MAP6: variants seen among roughly 807,000 people sequenced by gnomAD.
The protein encoded by MAP6 is microtubule associated protein 6.
Under a neutral mutation model 42.4 loss-of-function variants are expected in MAP6, and 26 were observed. The observed-to-expected ratio is 0.61, with a 90% CI of 0.45 to 0.85. The LOEUF (loss-of-function observed/expected upper bound fraction) is 0.85. Ranked by LOEUF, MAP6 falls within the 40% of genes least tolerant of loss-of-function variation. The probability of loss-of-function intolerance (pLI) is 0.00; values close to 1 mark genes in which losing one functional copy is unlikely to be tolerated. For synonymous variants in MAP6, 418 were observed against 443.8 expected (o/e 0.94, Z 0.73); for missense variants, 966 against 1,099.0 (o/e 0.88, Z 1.71).
intron 1 of MAP6, among the ~76,000 whole-genome samples, chr11:75,635,515 T>C (rs576188998): frequency 1.3e-5 from 2 of 152,352 alleles, no homozygotes; most frequent in South Asian, 4.1e-4. Flanking sequence ...TTTACTCAAG[T>C]TTACTTGAAA....
chr11:75,620,326 C>T (rs576804794), intron 1 of MAP6, among the ~76,000 whole-genome samples: 36 of 151,810 alleles, frequency 2.4e-4, no homozygotes, highest in African/African-American at 8.7e-4. Context: ...TATAAATTAG[C>T]TGGGTGTTGT....
At chr11:75,599,493 CAGA>C (rs1428524159) in intron 3 of MAP6, among the ~76,000 whole-genome samples, 2 of 152,154 alleles carry the variant, frequency 1.3e-5, no homozygotes, top group East Asian at 1.9e-4. Flanking sequence ...AAGCTAGTAC[CAGA>C]AGGAGAAAAA....
At chr11:75,629,857 A>C (rs1460110153) in intron 1 of MAP6, among the ~76,000 whole-genome samples, 2 of 152,160 alleles carry the variant, frequency 1.3e-5, no homozygotes, top group Non-Finnish European at 2.9e-5. Flanking sequence ...AAGAGAAAAT[A>C]AGAAGGCAGT....
intron 1 of MAP6, among the ~76,000 whole-genome samples, chr11:75,611,854 G>T (rs1942902528): frequency 6.6e-6 from 1 of 152,242 alleles, no homozygotes; most frequent in South Asian, 2.1e-4. Flanking sequence ...GGTAACCAAG[G>T]CTCAGAGAGG....
rs576033380 is a variant in MAP6, at chr11:75,591,896, G to A, written c.1317-3712C>T. 1.7e-3 allele frequency among the ~76,000 whole-genome samples: 257 copies of A among 152,340 alleles called. 1 individual carries two copies. Among genetic ancestry groups the A allele is most frequent in the Non-Finnish European group, 3.1e-3 (209 of 68,034 alleles). On this transcript the variant is annotated intron_variant, in intron 3 of 3. Transcript: ENST00000304771. ...CAACAGAAAATTTTGCTAGGTGGGCGTCTGGAATAACAATTCTTGATATTT... is the reference window on the plus strand; with the variant it reads ...CAACAGAAAATTTTGCTAGGTGGGCATCTGGAATAACAATTCTTGATATTT...
intron 1 of MAP6, among the ~76,000 whole-genome samples, chr11:75,655,411 T>A (rs1943729823): frequency 6.6e-6 from 1 of 152,206 alleles, no homozygotes; most frequent in Non-Finnish European, 1.5e-5. Context: ...AGGCTGTGAT[T>A]CGGTCAGAGC....
At chr11:75,652,288 C>A (rs890139752) in intron 1 of MAP6, among the ~76,000 whole-genome samples, 4 of 152,174 alleles carry the variant, frequency 2.6e-5, no homozygotes, top group Non-Finnish European at 5.9e-5. Flanking sequence ...TAAAGCTTGT[C>A]TCCCACCATG....
At chr11:75,653,045 AC>A (rs1230722440) in intron 1 of MAP6, among the ~76,000 whole-genome samples, 1 of 151,706 alleles carries the variant, frequency 6.6e-6, no homozygotes, top group Non-Finnish European at 1.5e-5. Context: ...CTCTCCCTGT[AC>A]CCTCTAAACA....
chr11:75,629,463 G>A (rs955780702), intron 1 of MAP6, among the ~76,000 whole-genome samples: 1 of 152,000 alleles, frequency 6.6e-6, no homozygotes, highest in Admixed American at 6.6e-5. Context: ...TGGTGCTCAG[G>A]GTGGGAGCTT....
rs563116618 is a variant in MAP6, at chr11:75,593,271, T to A, written c.1317-5087A>T. Reference sequence around the variant, plus strand: ...GGTTCTGACTTAATACTTGAGTGAATGAATAAACAACAGACTGTTCTGTGC... The same window carrying A: ...GGTTCTGACTTAATACTTGAGTGAAAGAATAAACAACAGACTGTTCTGTGC... On this transcript the variant is annotated intron_variant, in intron 3 of 3. Coordinates refer to ENST00000304771, the MANE Select transcript of MAP6 (RefSeq NM_033063.2). Among the ~76,000 whole-genome samples the A allele has an allele frequency of 1.6e-4, 24 of 152,380 alleles. No homozygotes were observed. The South Asian group carries it at 5.0e-3, about 32-fold the overall frequency.
chr11:75,622,845 G>A (rs942134023), intron 1 of MAP6, among the ~76,000 whole-genome samples: 1 of 152,186 alleles, frequency 6.6e-6, no homozygotes, highest in Non-Finnish European at 1.5e-5. Flanking sequence ...GTGTGCTAAA[G>A]CTGGCTCACA....
At chr11:75,638,089 A>G (rs993667742) in intron 1 of MAP6, among the ~76,000 whole-genome samples, 2 of 152,214 alleles carry the variant, frequency 1.3e-5, no homozygotes, top group Non-Finnish European at 2.9e-5. Flanking sequence ...ATGTAAATAA[A>G]GAGTTTCATT....
At chr11:75,615,951 G>A (rs1463484790) in intron 1 of MAP6, among the ~76,000 whole-genome samples, 2 of 138,468 alleles carry the variant, frequency 1.4e-5, no homozygotes, top group South Asian at 2.8e-4. Context: ...ACAGGAGTGC[G>A]CGGGGCGGCA....
Position 75,605,945 on chromosome 11 carries a change from G to A in MAP6, c.1179C>T (p.Pro393=). ...KPKKTSASHK[P]TRKAKDKQAV... Reference sequence around the variant, plus strand: ...CCTGCTTGTCTTTGGCCTTCCTCGTGGGCTTATGGCTCGCTGAGGTCTTTT... The same window carrying A: ...CCTGCTTGTCTTTGGCCTTCCTCGTAGGCTTATGGCTCGCTGAGGTCTTTT... Residue 393 remains proline, a synonymous_variant, in exon 3 of 4, where the codon CCC becomes CCT. Coordinates refer to ENST00000304771, the MANE Select transcript of MAP6 (RefSeq NM_033063.2). 6.2e-7 allele frequency: 1 copy of A among 1,614,070 alleles called. No homozygotes were observed. The highest frequency in any genetic ancestry group is 8.5e-7 in the Non-Finnish European group (1 of 1,180,036).
rs752202954 is a variant in MAP6 at position 75,587,410 on chromosome 11, T to C, written c.2091A>G (p.Ala697=). Reference sequence around the variant, plus strand: ...CTTGATTCTTTACAGGTGCCACAACTGCAGAATCGTGAACCTTTGCATGCT... The same window carrying C: ...CTTGATTCTTTACAGGTGCCACAACCGCAGAATCGTGAACCTTTGCATGCT... ...VPEHAKVHDS[A]VVAPVKNQGP... is the part of the protein sequence containing the mutation. Residue 697 remains alanine, a synonymous_variant, in exon 4 of 4, where the codon GCA becomes GCG. Coordinates refer to ENST00000304771, the MANE Select transcript of MAP6 (RefSeq NM_033063.2). The C allele has an allele frequency of 6.2e-7, 1 of 1,613,990 alleles. No homozygotes were observed. The highest frequency in any genetic ancestry group is 1.1e-5 in the South Asian group (1 of 91,070).
chr11:75,637,045 T>A (rs1943381378), intron 1 of MAP6, among the ~76,000 whole-genome samples: 1 of 152,188 alleles, frequency 6.6e-6, no homozygotes, highest in South Asian at 2.1e-4. Flanking sequence ...ACAAAGCCCT[T>A]CTCCCTTTTC....
chr11:75,618,286 C>G (rs1209055800), intron 1 of MAP6, among the ~76,000 whole-genome samples: 1 of 152,052 alleles, frequency 6.6e-6, no homozygotes, highest in African/African-American at 2.4e-5. Flanking sequence ...ATGAAGTAGG[C>G]AAATTCTTAG....
chr11:75,630,464 T>A (rs1451303966), intron 1 of MAP6, among the ~76,000 whole-genome samples: 1 of 152,248 alleles, frequency 6.6e-6, no homozygotes, highest in Non-Finnish European at 1.5e-5. Context: ...GTTTCTATAA[T>A]GTTGTATCTT....
intron 1 of MAP6, among the ~76,000 whole-genome samples, chr11:75,614,791 CCCAA>C (rs1377315094): frequency 2.0e-5 from 3 of 152,114 alleles, no homozygotes; most frequent in Non-Finnish European, 4.4e-5. Flanking sequence ...TAATACAAAC[CCCAA>C]TCAGAAAATT....
Sources: allele counts gnomAD v4.1 joint callset (sites outside exome capture counted in the v4.1 genomes callset), GRCh38; gene constraint gnomAD v4.1.1; transcripts MANE v1.5; gene names NCBI Gene and HGNC (gene_info 2026-07-23, HGNC 2026-07-21).